CDC25C: variants seen among roughly 807,000 people sequenced by gnomAD.
The protein encoded by CDC25C is cell division cycle 25C.
CDC25C carries 48 observed loss-of-function variants against 52.5 expected under a neutral mutation model. That is an observed-to-expected ratio of 0.91 (90% CI 0.72 to 1.16). CDC25C has a LOEUF of 1.16. CDC25C is among the 50% of genes most tolerant of loss of function. CDC25C has a pLI of 0.00. For missense variants in CDC25C, 510 were observed against 566.1 expected (o/e 0.90, Z 1.01); for synonymous variants, 187 against 206.5 (o/e 0.91, Z 0.81).
At chr5:138,306,167 G>GA (rs1757986607) in intron 7 of CDC25C, among the ~76,000 whole-genome samples, 1 of 151,966 alleles carries the variant, frequency 6.6e-6, no homozygotes, top group African/African-American at 2.4e-5. Context: ...GTACCCTCCA[G>GA]AAAAATCCCT....
intron 6 of CDC25C, among the ~76,000 whole-genome samples, chr5:138,322,107 T>C (rs1181170213): frequency 6.6e-6 from 1 of 151,544 alleles, no homozygotes. Context: ...GTTCACGCCA[T>C]TCTCCTACTT....
rs1362849107 is a variant in CDC25C, at chr5:138,292,099, T to G, written c.633A>C (p.Leu211=). 6.2e-7 allele frequency: 1 copy of G among 1,613,008 alleles called. No individual in the cohort carries two copies. The highest frequency in any genetic ancestry group is 8.5e-7 in the Non-Finnish European group (1 of 1,179,494). Residue 211 remains leucine (L), a synonymous_variant, in exon 8 of 14, where the codon CTA becomes CTC. Transcript: ENST00000323760. The stretch of plus-strand genomic sequence containing the variant: ...TCTCTGGCATCGACGGGGAGCGATA[T>G]AGGCCACTTCTGCTCACCTGTTTGG... ...DQEAKVSRSG[L]YRSPSMPENL...
rs371511740 is a variant in CDC25C, at chr5:138,331,137, G to C, written c.44C>G (p.Ser15Cys). 10 of 1,614,036 alleles carry C rather than the reference G, an allele frequency of 6.2e-6. No individual in the cohort carries two copies. Among genetic ancestry groups the C allele is most frequent in the African/African-American group, 4.0e-5 (3 of 74,930 alleles). The change falls in exon 2 of 14, where the codon TCT becomes TGT. Residue 15 changes from serine (S) to cysteine (C), a missense_variant. By Grantham distance (112) the Ser-to-Cys change is moderately radical. Coordinates refer to ENST00000323760, the MANE Select transcript of CDC25C (RefSeq NM_001790.5). ...AGACCTAAAACTGGGTCCTGAGCCA[G>C]AGCTTCCTTCCTCTCTTGTGGATGA... ...LFSSTREEGS[S>C]GSGPSFRSNQ...
At chr5:138,328,558 A>T in intron 3 of CDC25C, 29 bp from the exon 4 acceptor site, 1 of 1,591,680 alleles carries the variant, frequency 6.3e-7, no homozygotes, top group Non-Finnish European at 8.6e-7. Context: ...AATCAGTAAA[A>T]GGAGTTATTC....
At chr5:138,325,940 C>T (rs1759818900) in intron 5 of CDC25C, 36 bp from the exon 6 acceptor site, 1 of 1,611,630 alleles carries the variant, frequency 6.2e-7, no homozygotes, top group Non-Finnish European at 8.5e-7. Context: ...GTCCAGCATC[C>T]TCAAGCCACA....
At chr5:138,336,984 G>C (rs961670375) in intron 1 of CDC25C, 4 of 152,056 alleles carry the variant, frequency 2.6e-5, no homozygotes, top group African/African-American at 4.8e-5. Context: ...TCCCAGTCTT[G>C]AGTAAGGCAC....
At chr5:138,326,266 G>A (rs1055721943) in intron 4 of CDC25C, among the ~76,000 whole-genome samples, 2 of 152,054 alleles carry the variant, frequency 1.3e-5, no homozygotes, top group Non-Finnish European at 2.9e-5. Context: ...CATTTTGCCT[G>A]CATAACCATA....
intron 12 of CDC25C, 59 bp downstream of exon 12, chr5:138,286,438 T>G: frequency 6.5e-7 from 1 of 1,539,890 alleles, no homozygotes; most frequent in South Asian, 1.2e-5. Flanking sequence ...TGAACTGGTG[T>G]GGGAAGTCCA....
intron 7 of CDC25C, among the ~76,000 whole-genome samples, chr5:138,313,378 A>AC (rs1758602345): frequency 7.2e-6 from 1 of 138,014 alleles, no homozygotes; most frequent in African/African-American, 2.7e-5. Context: ...ACTATATCTC[A>AC]CAAAAAAAAA....
At chr5:138,331,892 C>CCGCG, upstream of CDC25C, 1 of 985,672 alleles carries the variant, frequency 1.0e-6, no homozygotes, top group Non-Finnish European at 1.2e-6. Context: ...CAGCCAATCT[C>CCGCG]CGCGCGCGCG....
chr5:138,324,165 G>A (rs1759665856), intron 6 of CDC25C, among the ~76,000 whole-genome samples: 1 of 151,916 alleles, frequency 6.6e-6, no homozygotes, highest in African/African-American at 2.4e-5. Context: ...CAGCTACTCA[G>A]GAGGCTGAGA....
intron 8 of CDC25C, 67 bp from the exon 9 acceptor site, chr5:138,290,807 G>A: frequency 2.1e-6 from 2 of 971,096 alleles, no homozygotes; most frequent in Admixed American, 1.7e-5. Context: ...CCAGTGGATG[G>A]AGTGGGCCAT....
chr5:138,324,206 G>C (rs746076249), intron 6 of CDC25C, among the ~76,000 whole-genome samples: 1 of 152,066 alleles, frequency 6.6e-6, no homozygotes, highest in Non-Finnish European at 1.5e-5. Context: ...GGGAGGCAGC[G>C]GTTGCAGTGA....
At chr5:138,322,146 C>T (rs1191263024) in intron 6 of CDC25C, among the ~76,000 whole-genome samples, 3 of 149,700 alleles carry the variant, frequency 2.0e-5, no homozygotes, top group East Asian at 4.0e-4. Context: ...GGACTACAGG[C>T]GCCCGCCACC....
At chr5:138,302,697 C>G (rs1236086767) in intron 7 of CDC25C, among the ~76,000 whole-genome samples, 5 of 141,528 alleles carry the variant, frequency 3.5e-5, no homozygotes, top group Non-Finnish European at 7.8e-5. Flanking sequence ...GAAACTCCAT[C>G]TCAAAAAAAA....
intron 7 of CDC25C, among the ~76,000 whole-genome samples, chr5:138,301,561 G>GA (rs34491218): frequency 0.18 from 25,896 of 146,550 alleles, 2,967 homozygotes; most frequent in South Asian, 0.37. Context: ...CCAGAAAATT[G>GA]AAAAAAAAAG....
rs1756333646 is a variant in CDC25C at position 138,287,269 on chromosome 5, T to C, written c.928-2A>G. On this transcript the variant is annotated splice_acceptor_variant, in intron 10 of 13. Transcript: ENST00000323760. LOFTEE classifies it high-confidence loss of function. ...CTTCCCCGACAGTAAGGCAGCCACCTGGACAGAAACAATGACTGAATATTC... is the reference window on the plus strand; with the variant it reads ...CTTCCCCGACAGTAAGGCAGCCACCCGGACAGAAACAATGACTGAATATTC... 2 of 1,609,422 alleles carry C rather than the reference T, an allele frequency of 1.2e-6. No homozygotes were observed. Among genetic ancestry groups the C allele is most frequent in the Non-Finnish European group, 1.7e-6 (2 of 1,175,792 alleles).
chr5:138,297,741 C>T (rs1249284599), intron 7 of CDC25C, among the ~76,000 whole-genome samples: 1 of 152,084 alleles, frequency 6.6e-6, no homozygotes, highest in East Asian at 1.9e-4. Context: ...AAGAAGTAGA[C>T]TAATAAATAT....
chr5:138,292,202 T>C (rs1165543803), intron 7 of CDC25C, 86 bp from the exon 8 acceptor site: 6 of 1,104,446 alleles, frequency 5.4e-6, no homozygotes, highest in Non-Finnish European at 7.7e-6. Context: ...GGGAGCTTCT[T>C]TGAAATGCAG....
Sources: allele counts gnomAD v4.1 joint callset (sites outside exome capture counted in the v4.1 genomes callset), GRCh38; gene constraint gnomAD v4.1.1; transcripts MANE v1.5; gene names NCBI Gene and HGNC (gene_info 2026-07-23, HGNC 2026-07-21).